Variants in GTF2E2 observed in about 807,000 individuals in gnomAD.
GTF2E2 encodes the protein general transcription factor IIE subunit 2.
A neutral mutation model predicts 40.5 loss-of-function variants in GTF2E2; 21 were observed. The ratio of observed to expected loss-of-function variants is 0.52; its 90% CI spans 0.37 to 0.75. The LOEUF is 0.75. Ranked by LOEUF, GTF2E2 falls within the 30% of genes least tolerant of loss-of-function variation. GTF2E2 has a pLI of 0.00. For synonymous variants in GTF2E2, 117 were observed against 121.6 expected, an observed-to-expected ratio of 0.96 and a Z score of 0.25; for missense variants, 298 against 338.4, an observed-to-expected ratio of 0.88 and a Z score of 0.94.
chr8:30,587,363 A>C (rs1828711929), intron 6 of GTF2E2, among the ~76,000 whole-genome samples: 2 of 152,106 alleles, frequency 1.3e-5, no homozygotes, highest in South Asian at 4.1e-4. Context: ...CAGTTAGCTG[A>C]GATCATGCCG....
At chr8:30,609,862 T>G (rs893668442) in intron 5 of GTF2E2, among the ~76,000 whole-genome samples, 21 of 152,128 alleles carry the variant, frequency 1.4e-4, no homozygotes, top group African/African-American at 5.1e-4. Flanking sequence ...TTCCCCACTC[T>G]CTCTTGCTCC....
At chr8:30,623,384 T>C (rs967018875) in intron 3 of GTF2E2, among the ~76,000 whole-genome samples, 9 of 152,142 alleles carry the variant, frequency 5.9e-5, no homozygotes, top group Non-Finnish European at 1.2e-4. Context: ...CTCATCATTT[T>C]TTATGGCTGC....
chr8:30,594,562 A>T (rs932824204), intron 6 of GTF2E2, among the ~76,000 whole-genome samples: 45 of 151,716 alleles, frequency 3.0e-4, no homozygotes, highest in Non-Finnish European at 6.5e-4. Context: ...TTTAAAAAAA[A>T]AAAAAAAAAA....
rs754348956 is a variant in GTF2E2 at position 30,635,089 on chromosome 8, C to T, written c.201G>A (p.Leu67=). 5.0e-6 allele frequency: 8 copies of T among 1,608,058 alleles called. No homozygotes were observed. Among genetic ancestry groups the T allele is most frequent in the African/African-American group, 1.3e-5 (1 of 74,758 alleles). The change falls in exon 3 of 8, where the codon TTG becomes TTA. Residue 67 remains leucine (L), a synonymous_variant. Coordinates refer to ENST00000355904, the MANE Select transcript of GTF2E2 (RefSeq NM_002095.6). Reference sequence around the variant, plus strand: ...CAAACTTATATCCAGAGCTTCCTGACAAAGCTTTCAAGTTAAATGATCCAT... The same window carrying T: ...CAAACTTATATCCAGAGCTTCCTGATAAAGCTTTCAAGTTAAATGATCCAT... ...HSNGSFNLKA[L]SGSSGYKFGV...
intron 3 of GTF2E2, among the ~76,000 whole-genome samples, chr8:30,617,576 T>A (rs747320828): frequency 1.3e-4 from 20 of 152,130 alleles, no homozygotes; most frequent in African/African-American, 4.8e-4. Flanking sequence ...ACTCTGACTC[T>A]ACCAAAAAAT....
At chr8:30,592,617 A>T (rs948465080) in intron 6 of GTF2E2, among the ~76,000 whole-genome samples, 1 of 152,190 alleles carries the variant, frequency 6.6e-6, no homozygotes, top group African/African-American at 2.4e-5. Context: ...CCTCCCATGC[A>T]CTTTAAATAA....
chr8:30,594,605 C>A (rs1443798928), intron 6 of GTF2E2, among the ~76,000 whole-genome samples: 1 of 150,622 alleles, frequency 6.6e-6, no homozygotes, highest in African/African-American at 2.4e-5. Flanking sequence ...TGCCTATAAT[C>A]CCAGCACTTT....
intron 6 of GTF2E2, among the ~76,000 whole-genome samples, chr8:30,606,010 T>C (rs575580921): frequency 1.3e-5 from 2 of 152,288 alleles, no homozygotes; most frequent in East Asian, 3.9e-4. Flanking sequence ...AAAGGCAACA[T>C]TGCAAGTAAC....
Position 30,635,016 on chromosome 8 carries a change from T to C in GTF2E2, c.258+16A>G, listed in dbSNP as rs1483488936. 29 of 1,419,340 alleles carry C rather than the reference T, an allele frequency of 2.0e-5. No individual in the cohort carries two copies. The highest frequency in any genetic ancestry group is 2.9e-5 in the Non-Finnish European group (29 of 1,014,354). The allele number at this position is 1,419,340 out of a possible 1,614,324, so 87.9% of individuals were successfully genotyped here. ...AAAGTTAAATAGGACTTTTGCTATC[T>C]GAGAAAAGTACTTACCTTCATGTAA... is the stretch of plus-strand genomic sequence containing the variant. On this transcript the variant is annotated intron_variant, in intron 3 of 7. Coordinates refer to ENST00000355904, the MANE Select transcript of GTF2E2 (RefSeq NM_002095.6).
chr8:30,593,246 G>A (rs1828900416), intron 6 of GTF2E2, among the ~76,000 whole-genome samples: 1 of 152,138 alleles, frequency 6.6e-6, no homozygotes. Flanking sequence ...AGGACAGTCT[G>A]TTCTATAAAT....
intron 2 of GTF2E2, among the ~76,000 whole-genome samples, chr8:30,651,410 TA>T (rs879365951): frequency 0.012 from 1,813 of 148,630 alleles, 36 homozygotes; most frequent in African/African-American, 0.04. Context: ...ATGAACAATT[TA>T]AAAAAAAAAA....
chr8:30,607,193 T>C, intron 5 of GTF2E2, 43 bp from the exon 6 acceptor site: 1 of 735,216 alleles, frequency 1.4e-6, no homozygotes, highest in Non-Finnish European at 2.3e-6. Context: ...TAACTCCAAA[T>C]TACCTCACCA....
intron 5 of GTF2E2, among the ~76,000 whole-genome samples, chr8:30,608,849 C>T (rs896961219): frequency 6.6e-5 from 10 of 152,156 alleles, no homozygotes; most frequent in Non-Finnish European, 1.0e-4. Context: ...CGGTGGCTCA[C>T]GCCATTCTCC....
intron 6 of GTF2E2, among the ~76,000 whole-genome samples, chr8:30,597,846 T>C (rs1183444213): frequency 6.6e-6 from 1 of 152,198 alleles, no homozygotes; most frequent in Non-Finnish European, 1.5e-5. Flanking sequence ...TAGGCATATA[T>C]GAAAGAAAAT....
chr8:30,625,062 G>C (rs967112783), intron 3 of GTF2E2, among the ~76,000 whole-genome samples: 1 of 151,976 alleles, frequency 6.6e-6, no homozygotes, highest in East Asian at 1.9e-4. Flanking sequence ...GGAGTGGTGA[G>C]AGAGGGCATC....
chr8:30,619,149 C>A (rs1221454928), intron 3 of GTF2E2, among the ~76,000 whole-genome samples: 1 of 151,928 alleles, frequency 6.6e-6, no homozygotes, highest in Non-Finnish European at 1.5e-5. Context: ...ACCATGTTGT[C>A]CAGGATGGTC....
At chr8:30,631,691 T>G (rs1015397873) in intron 3 of GTF2E2, among the ~76,000 whole-genome samples, 3 of 152,242 alleles carry the variant, frequency 2.0e-5, no homozygotes, top group Admixed American at 2.0e-4. Context: ...AGTAGGTATC[T>G]CTTTCATTAA....
chr8:30,591,647 G>T (rs1828855433), intron 6 of GTF2E2, among the ~76,000 whole-genome samples: 2 of 152,180 alleles, frequency 1.3e-5, no homozygotes, highest in Admixed American at 6.5e-5. Context: ...AGGGTGTGGG[G>T]AAAGCAGAAC....
At chr8:30,628,412 A>G (rs139304078) in intron 3 of GTF2E2, among the ~76,000 whole-genome samples, 78 of 152,340 alleles carry the variant, frequency 5.1e-4, no homozygotes, top group African/African-American at 1.8e-3. Flanking sequence ...TTCTCCTGTC[A>G]AAAGAGCACT....
Sources: allele counts gnomAD v4.1 joint callset (sites outside exome capture counted in the v4.1 genomes callset), GRCh38; gene constraint gnomAD v4.1.1; transcripts MANE v1.5; gene names NCBI Gene and HGNC (gene_info 2026-07-23, HGNC 2026-07-21).